DNAH11: variants seen among roughly 807,000 people sequenced by gnomAD.
DNAH11 encodes dynein axonemal heavy chain 11.
In DNAH11, 442 loss-of-function variants were observed where a neutral mutation model predicts 526.0. That is an observed-to-expected ratio of 0.84 (90% confidence interval 0.78 to 0.91). The LOEUF is 0.91. DNAH11 is among the 40% of genes least tolerant of loss of function. DNAH11 has a pLI of 0.00. For synonymous variants in DNAH11, 2,461 were observed against 1,935.9 expected, an observed-to-expected ratio of 1.27 and a Z score of -7.12; for missense variants, 6,989 against 5,448.7, an observed-to-expected ratio of 1.28 and a Z score of -8.90.
chr7:21,668,357 C>T (rs1562741007), intron 30 of DNAH11, among the ~76,000 whole-genome samples: 1 of 152,088 alleles, frequency 6.6e-6, no homozygotes, highest in Non-Finnish European at 1.5e-5. Context: ...CTTCCTAGGG[C>T]AAATGTCAGA....
Position 21,636,103 on chromosome 7 carries a change from A to T in DNAH11, c.4725+8A>T, listed in dbSNP as rs748206021. Reference sequence around the variant, plus strand: ...GTGGATGCTGAATTTAAGGTTTGTCAAAGACAGGCTGTATGCTATTCTAGC... The same window carrying T: ...GTGGATGCTGAATTTAAGGTTTGTCTAAGACAGGCTGTATGCTATTCTAGC... On this transcript the variant is annotated splice_region_variant and intron_variant, in intron 26 of 81. Transcript: ENST00000409508. 1 of 1,601,156 alleles carries T rather than the reference A, an allele frequency of 6.2e-7. No homozygotes were observed. Among genetic ancestry groups the T allele is most frequent in the East Asian group, 2.2e-5 (1 of 44,632 alleles).
intron 68 of DNAH11, 141 bp from the exon 69 acceptor site, chr7:21,861,712 C>A: frequency 1.4e-6 from 1 of 695,596 alleles, no homozygotes; most frequent in Non-Finnish European, 2.3e-6. Flanking sequence ...TACCATGTGC[C>A]AGAAACTATA....
Position 21,717,778 on chromosome 7 carries a change from T to G in DNAH11, c.6987T>G (p.Tyr2329Ter), listed in dbSNP as rs761146773. ...GCTTTTCTGTGTTCCTTTTCAGGTA[T>G]GTGGCCAGTTGGATAGACAGAAGGC... ...VNPQDLGWNP[Y>*]VASWIDRRRH... The change falls in exon 43 of 82, where the codon TAT becomes TAG. Residue 2329 changes from tyrosine to a stop codon, truncating the protein, a stop_gained. Transcript: ENST00000409508. LOFTEE classifies it high-confidence loss of function. 2 of 1,613,760 alleles carry G rather than the reference T, an allele frequency of 1.2e-6. No individual in the cohort carries two copies. Among genetic ancestry groups the G allele is most frequent in the Admixed American group, 3.3e-5 (2 of 59,948 alleles).
Position 21,901,262 on chromosome 7 carries a change from C to T in DNAH11, c.*8C>T. ...CTGCTTCTAGAAGCGTAAGGTAACACTGGCATTCCTCTAGCCTCTGCTGGA... is the reference window on the plus strand; with the variant it reads ...CTGCTTCTAGAAGCGTAAGGTAACATTGGCATTCCTCTAGCCTCTGCTGGA... On this transcript the variant is annotated 3_prime_UTR_variant, in exon 82 of 82. Coordinates refer to ENST00000409508, the MANE Select transcript of DNAH11 (RefSeq NM_001277115.2). 1 of 1,596,220 alleles carries T rather than the reference C, an allele frequency of 6.3e-7. No individual in the cohort carries two copies. The highest frequency in any genetic ancestry group is 8.5e-7 in the Non-Finnish European group (1 of 1,171,358).
chr7:21,617,941 C>G (rs1020492183), intron 23 of DNAH11, among the ~76,000 whole-genome samples, 164 bp downstream of exon 23: 1 of 152,200 alleles, frequency 6.6e-6, no homozygotes. Context: ...GTCGCCTGAT[C>G]CGACCAACAA....
chr7:21,870,372 CCTT>C (rs1480646634), intron 73 of DNAH11, among the ~76,000 whole-genome samples: 1 of 152,114 alleles, frequency 6.6e-6, no homozygotes, highest in African/African-American at 2.4e-5. Context: ...AGGAATGTAA[CCTT>C]CTGGGATGAT....
At chr7:21,632,805 C>T (rs894787509) in intron 25 of DNAH11, among the ~76,000 whole-genome samples, 1 of 152,190 alleles carries the variant, frequency 6.6e-6, no homozygotes, top group Non-Finnish European at 1.5e-5. Flanking sequence ...CAACCTCTGC[C>T]TGTTACCCAG....
rs373620748 is a variant in DNAH11 at position 21,600,293 on chromosome 7, TA to T, written c.3000+181del. Among the ~76,000 whole-genome samples, 20 of 151,892 alleles carry T rather than the reference TA, an allele frequency of 1.3e-4. No individual in the cohort carries two copies. The East Asian group carries it at 3.7e-3, about 28-fold the overall frequency. On this transcript the variant is annotated intron_variant, in intron 15 of 81. Coordinates refer to ENST00000409508, the MANE Select transcript of DNAH11 (RefSeq NM_001277115.2). ...TAAGCAGCATAGCAAGACCGTCTCT[TA>T]AAAAAATTAAAAAATTAGCTGGGTG...
At chr7:21,821,208 A>C (rs546231110) in intron 65 of DNAH11, among the ~76,000 whole-genome samples, 3 of 152,162 alleles carry the variant, frequency 2.0e-5, no homozygotes, top group African/African-American at 4.8e-5. Flanking sequence ...GTAGGGAAAG[A>C]ACTAATAATT....
chr7:21,901,737 A>AGGCTAGC lies in DNAH11; in HGVS notation c.*484_*490dup, dbSNP rs1263320590. 2 of 142,588 alleles carry AGGCTAGC rather than the reference A, an allele frequency of 1.4e-5. No individual in the cohort carries two copies. Among genetic ancestry groups the AGGCTAGC allele is most frequent in the Non-Finnish European group, 3.1e-5 (2 of 64,960 alleles). The allele number at this position is 142,588 out of a possible 1,614,324, so 8.8% of individuals were successfully genotyped here. A position where few individuals can be genotyped will look rare whatever the true frequency, so the allele number is the denominator to read the frequency against. ...GGCCCCAGGTGAGTCCTGAAGGAAG[A>AGGCTAGC]GGCTAGCACTCTGTAAGGCCTCCAG... is the stretch of plus-strand genomic sequence containing the variant. On this transcript the variant is annotated 3_prime_UTR_variant, in exon 82 of 82. Transcript: ENST00000409508.
In DNAH11 at chr7:21,816,448, T is replaced by C. The variant is rs749865821; in HGVS notation, c.10333-19T>C. 1.1e-5 allele frequency: 18 copies of C among 1,573,294 alleles called. No individual in the cohort carries two copies. In the African/African-American group the frequency reaches 2.2e-4, roughly 19 times the overall value. ...TCTGCCACATGACCAATTTGTTGCA[T>C]TCAACTCTGATTTTAAAGGTTTCCA... is the stretch of plus-strand genomic sequence containing the variant. On this transcript the variant is annotated intron_variant, in intron 63 of 81. Coordinates refer to ENST00000409508, the MANE Select transcript of DNAH11 (RefSeq NM_001277115.2).
chr7:21,638,991 G>A lies in DNAH11; in HGVS notation c.4870G>A (p.Ala1624Thr). 2 of 1,613,712 alleles carry A rather than the reference G, an allele frequency of 1.2e-6. No individual in the cohort carries two copies. Among genetic ancestry groups the A allele is most frequent in the Admixed American group, 3.3e-5 (2 of 59,986 alleles). Residue 1624 changes from alanine to threonine, a missense_variant, in exon 28 of 82, where the codon GCC becomes ACC. By Grantham distance (58) the Ala-to-Thr change is moderately conservative. Coordinates refer to ENST00000409508, the MANE Select transcript of DNAH11 (RefSeq NM_001277115.2). ...LAEYLETKRIAFPRFYFVSSA... is the reference protein window; with the variant it reads ...LAEYLETKRITFPRFYFVSSA... Reference sequence around the variant, plus strand: ...TGAATACCTGGAAACCAAGCGCATAGCCTTTCCTCGCTTCTATTTCGTCTC... The same window carrying A: ...TGAATACCTGGAAACCAAGCGCATAACCTTTCCTCGCTTCTATTTCGTCTC...
rs376176916 is a variant in DNAH11 at position 21,552,398 on chromosome 7, C to T, written c.496-6404C>T. On this transcript the variant is annotated intron_variant, in intron 2 of 81. Coordinates refer to ENST00000409508, the MANE Select transcript of DNAH11 (RefSeq NM_001277115.2). ...TCTCTTTGTCTTAGGCAAAGGCAGA[C>T]CCACTATTCCCAATATTCTTTCCGG... 1.5e-4 allele frequency among the ~76,000 whole-genome samples: 23 copies of T among 152,268 alleles called. No homozygotes were observed. In the East Asian group the frequency reaches 4.1e-3, roughly 27 times the overall value.
At chr7:21,565,696 A>G (rs925867511) in intron 6 of DNAH11, among the ~76,000 whole-genome samples, 2 of 152,314 alleles carry the variant, frequency 1.3e-5, no homozygotes, top group East Asian at 1.9e-4. Flanking sequence ...TCCCACATCT[A>G]TCAGTGGGGA....
At chr7:21,782,401 A>T (rs2127984515) in intron 57 of DNAH11, among the ~76,000 whole-genome samples, 1 of 152,380 alleles carries the variant, frequency 6.6e-6, no homozygotes, top group South Asian at 2.1e-4. Context: ...GCTTACTGAG[A>T]TATACAGAAT....
At chr7:21,581,584 T>C (rs1307214765) in intron 8 of DNAH11, among the ~76,000 whole-genome samples, 5 of 152,126 alleles carry the variant, frequency 3.3e-5, no homozygotes, top group African/African-American at 1.2e-4. Context: ...TCAAAATGAA[T>C]TGGGAGTAGG....
chr7:21,663,299 T>C (rs1377140242), intron 30 of DNAH11, among the ~76,000 whole-genome samples: 2 of 152,144 alleles, frequency 1.3e-5, no homozygotes, highest in African/African-American at 4.8e-5. Context: ...GGTAGAGATA[T>C]CTTTCTGATG....
At chr7:21,724,459 A>G (rs2965419) in intron 44 of DNAH11, among the ~76,000 whole-genome samples, 96,214 of 151,710 alleles carry the variant, frequency 0.63, 30,804 homozygotes, top group East Asian at 0.82. Context: ...AAAAACTTCT[A>G]TGGGGAAAAA....
chr7:21,878,354 C>T (rs1236619098), intron 74 of DNAH11, among the ~76,000 whole-genome samples: 1 of 151,956 alleles, frequency 6.6e-6, no homozygotes, highest in Non-Finnish European at 1.5e-5. Context: ...TATTATAGTA[C>T]CTTGGGTTTT....
Sources: gnomAD v4.1 joint callset for allele counts (sites outside exome capture counted in the v4.1 genomes callset) on GRCh38, gnomAD v4.1.1 for gene constraint, MANE v1.5 for transcripts, NCBI Gene and HGNC (gene_info 2026-07-23, HGNC 2026-07-21) for gene names.